ABHD2: variants seen among roughly 807,000 people sequenced by gnomAD.
The protein encoded by ABHD2 is abhydrolase domain containing 2, acylglycerol lipase.
ABHD2 carries 20 observed loss-of-function variants against 48.1 expected under a neutral mutation model. That is an observed-to-expected ratio of 0.42 (90% CI 0.29 to 0.60). The LOEUF (loss-of-function observed/expected upper bound fraction) is 0.60, where lower values mean the gene tolerates loss of function less well. ABHD2 is among the 20% of genes least tolerant of loss of function. ABHD2 has a pLI of 0.24. For synonymous variants in ABHD2, 209 were observed against 214.2 expected (o/e 0.98, Z 0.21); for missense variants, 405 against 550.9 (o/e 0.74, Z 2.65).
chr15:89,136,262 T>TA (rs1337973489), intron 3 of ABHD2: 1 of 392,678 alleles, frequency 2.5e-6, no homozygotes, highest in Non-Finnish European at 5.0e-6. Context: ...TTAGGAAAGA[T>TA]ACAGGTTTTC....
At chr15:89,080,350 AACAATGAAGATTTTG>A in the ABHD2 span, among the ~76,000 whole-genome samples, 1 of 152,206 alleles carries the variant, frequency 6.6e-6, no homozygotes, top group African/African-American at 2.4e-5. Flanking sequence ...TGTTCTCAAA[AACAATGAAGATTTTG>A]TTGGTAAGCA....
At position 89,137,753 on chromosome 15, in the gene ABHD2, C is replaced by T. The variant is rs1302529084; in HGVS notation, c.195-13924C>T. 6.6e-6 allele frequency among the ~76,000 whole-genome samples: 1 copy of T among 152,216 alleles called. No homozygotes were observed. The highest frequency in any genetic ancestry group is 1.5e-5 in the Non-Finnish European group (1 of 68,046). ...AAAATGCTGTGTTCAAAGTGGATTT[C>T]TGATGAGCCTATTAATGGGTGTTTG... On this transcript the variant is annotated intron_variant, in intron 3 of 10. Coordinates refer to ENST00000352732, the MANE Select transcript of ABHD2 (RefSeq NM_152924.5). The surrounding 1 kb of genome is among the most constrained non-coding windows in gnomAD (Gnocchi z 4.8).
chr15:89,171,872 C>T (rs1473844058), intron 5 of ABHD2, among the ~76,000 whole-genome samples: 1 of 152,158 alleles, frequency 6.6e-6, no homozygotes, highest in Non-Finnish European at 1.5e-5. Flanking sequence ...GATCCCACCC[C>T]CAGACGTTCT....
chr15:89,048,831 C>T, the ABHD2 span, among the ~76,000 whole-genome samples: 1 of 151,468 alleles, frequency 6.6e-6, no homozygotes, highest in South Asian at 2.1e-4. Context: ...AACTTCCTTG[C>T]CATTGGTTTG....
At chr15:89,144,334 T>C (rs1045837048) in intron 3 of ABHD2, among the ~76,000 whole-genome samples, 6 of 152,184 alleles carry the variant, frequency 3.9e-5, no homozygotes, top group African/African-American at 1.4e-4. Context: ...GGTTTCACCA[T>C]GTTGACCAGG....
At chr15:89,046,389 T>C in the ABHD2 span, among the ~76,000 whole-genome samples, 1 of 152,092 alleles carries the variant, frequency 6.6e-6, no homozygotes, top group Non-Finnish European at 1.5e-5. Flanking sequence ...CCGGCTTTGG[T>C]ATCAGGATGA....
At chr15:89,053,044 T>C in the ABHD2 span, among the ~76,000 whole-genome samples, 3 of 151,246 alleles carry the variant, frequency 2.0e-5, no homozygotes, top group Non-Finnish European at 4.4e-5. Flanking sequence ...CTTGGCTCAC[T>C]GCAACCTCTG....
At chr15:89,158,416 T>C (rs1029782821) in intron 5 of ABHD2, among the ~76,000 whole-genome samples, 37 of 152,124 alleles carry the variant, frequency 2.4e-4, no homozygotes, top group African/African-American at 8.7e-4. Context: ...AGAGACCAGA[T>C]TGGAAGGCGT....
At position 89,174,082 on chromosome 15, in the gene ABHD2, C is replaced by T. The variant is rs1317830777; in HGVS notation, c.539-1730C>T. 1.3e-5 allele frequency among the ~76,000 whole-genome samples: 2 copies of T among 152,124 alleles called. No homozygotes were observed. The highest frequency in any genetic ancestry group is 6.5e-5 in the Admixed American group (1 of 15,274). ...GCGTCTTCATCTGGGCAATGCTTAC[C>T]TGGGTATAAATGTGTAAAATTTCAT... On this transcript the variant is annotated intron_variant, in intron 5 of 10. Transcript: ENST00000352732. The surrounding 1 kb of genome is among the most constrained non-coding windows in gnomAD (Gnocchi z 4.1).
rs1160795032 is a variant in ABHD2, at chr15:89,137,829, G to C, written c.195-13848G>C. Among the ~76,000 whole-genome samples, 1 of 152,210 alleles carries C rather than the reference G, an allele frequency of 6.6e-6. No homozygotes were observed. Among genetic ancestry groups the C allele is most frequent in the African/African-American group, 2.4e-5 (1 of 41,448 alleles). ...TTGAGATGAAAGGCCCAAGGTGTTT[G>C]TTCCTGAAGCTAATGAGGAAGCCCT... On this transcript the variant is annotated intron_variant, in intron 3 of 10. Coordinates refer to ENST00000352732, the MANE Select transcript of ABHD2 (RefSeq NM_152924.5). The surrounding 1 kb of genome is among the most constrained non-coding windows in gnomAD (Gnocchi z 4.8).
the ABHD2 span, among the ~76,000 whole-genome samples, chr15:89,047,299 G>A: frequency 1.3e-5 from 2 of 150,140 alleles, no homozygotes; most frequent in Non-Finnish European, 3.0e-5. Context: ...CATTTGCTGA[G>A]GAGAGCTTTA....
At chr15:89,142,586 C>T (rs2050422019) in intron 3 of ABHD2, among the ~76,000 whole-genome samples, 2 of 152,146 alleles carry the variant, frequency 1.3e-5, no homozygotes, top group Admixed American at 1.3e-4. Context: ...CCTTTTTAAT[C>T]TGTGAAATCA....
chr15:89,151,321 A>G lies in ABHD2; in HGVS notation c.195-356A>G, dbSNP rs1351900451. Among the ~76,000 whole-genome samples the G allele has an allele frequency of 3.3e-5, 5 of 152,252 alleles. No homozygotes were observed. In the East Asian group the frequency reaches 9.6e-4, roughly 29 times the overall value. On this transcript the variant is annotated intron_variant, in intron 3 of 10. Coordinates refer to ENST00000352732, the MANE Select transcript of ABHD2 (RefSeq NM_152924.5). This position sits in a 1 kb window ranked among gnomAD's most constrained non-coding sequence, Gnocchi z 4.7. Reference sequence around the variant, plus strand: ...TATTTCATATACATCAGCTCCTTTAATAATGAGCTAACCTGTCAAGTTAGA... The same window carrying G: ...TATTTCATATACATCAGCTCCTTTAGTAATGAGCTAACCTGTCAAGTTAGA...
the ABHD2 span, among the ~76,000 whole-genome samples, chr15:89,048,794 T>G: frequency 6.6e-6 from 1 of 151,988 alleles, no homozygotes; most frequent in Admixed American, 6.6e-5. Flanking sequence ...TAGTTATACA[T>G]TCTTCTAAAT....
At position 89,167,150 on chromosome 15, in the gene ABHD2, C is replaced by T. The variant is rs1254952897; in HGVS notation, c.539-8662C>T. Among the ~76,000 whole-genome samples, 2 of 152,072 alleles carry T rather than the reference C, an allele frequency of 1.3e-5. No homozygotes were observed. Among genetic ancestry groups the T allele is most frequent in the Non-Finnish European group, 2.9e-5 (2 of 68,016 alleles). ...GCTTCAGGCAGTGATTTTTAAGGAACTTCTATTTTGTTTTTACTGCTTAAT... is the reference window on the plus strand; with the variant it reads ...GCTTCAGGCAGTGATTTTTAAGGAATTTCTATTTTGTTTTTACTGCTTAAT... On this transcript the variant is annotated intron_variant, in intron 5 of 10. Coordinates refer to ENST00000352732, the MANE Select transcript of ABHD2 (RefSeq NM_152924.5). The surrounding 1 kb of genome is among the most constrained non-coding windows in gnomAD (Gnocchi z 5.5).
At position 89,184,392 on chromosome 15, in the gene ABHD2, C is replaced by A. The variant is rs948235469; in HGVS notation, c.723-1032C>A. On this transcript the variant is annotated intron_variant, in intron 6 of 10. Coordinates refer to ENST00000352732, the MANE Select transcript of ABHD2 (RefSeq NM_152924.5). The surrounding 1 kb of genome is among the most constrained non-coding windows in gnomAD (Gnocchi z 5.1). Reference sequence around the variant, plus strand: ...CTCACTTACCATCTGGAAGATGGAACCTAGTAGAAGTAGTGACGTCCAGAT... The same window carrying A: ...CTCACTTACCATCTGGAAGATGGAAACTAGTAGAAGTAGTGACGTCCAGAT... Among the ~76,000 whole-genome samples the A allele has an allele frequency of 1.3e-5, 2 of 152,186 alleles. No individual in the cohort carries two copies. The highest frequency in any genetic ancestry group is 4.8e-5 in the African/African-American group (2 of 41,442).
At position 89,188,474 on chromosome 15, in the gene ABHD2, A is replaced by G. The variant is rs189133902; in HGVS notation, c.926+171A>G. Among the ~76,000 whole-genome samples, 207 of 152,338 alleles carry G rather than the reference A, an allele frequency of 1.4e-3. No individual in the cohort carries two copies. The highest frequency in any genetic ancestry group is 3.6e-3 in the African/African-American group (151 of 41,568). On this transcript the variant is annotated intron_variant, in intron 8 of 10. Transcript: ENST00000352732. The surrounding 1 kb of genome is among the most constrained non-coding windows in gnomAD (Gnocchi z 4.1). ...TAAAAACAGAAGATTTCACAGGAAC[A>G]TTTAAATTTCTAGTTTCTCCTGGAA...
chr15:89,088,821 G>C lies in ABHD2; in HGVS notation c.-107+258G>C, dbSNP rs1169188743. 6.6e-6 allele frequency among the ~76,000 whole-genome samples: 1 copy of C among 152,240 alleles called. No individual in the cohort carries two copies. Among genetic ancestry groups the C allele is most frequent in the African/African-American group, 2.4e-5 (1 of 41,482 alleles). On this transcript the variant is annotated intron_variant, in intron 1 of 10. Coordinates refer to ENST00000352732, the MANE Select transcript of ABHD2 (RefSeq NM_152924.5). This position sits in a 1 kb window ranked among gnomAD's most constrained non-coding sequence, Gnocchi z 6.8. Reference sequence around the variant, plus strand: ...CCTTCTGCCCGAGGAACCGAGGTTGGGGACAACCCCGACCGCGGCCTTTCC... The same window carrying C: ...CCTTCTGCCCGAGGAACCGAGGTTGCGGACAACCCCGACCGCGGCCTTTCC...
intron 4 of ABHD2, among the ~76,000 whole-genome samples, chr15:89,154,037 T>C (rs1419629217): frequency 6.6e-6 from 1 of 152,238 alleles, no homozygotes; most frequent in Non-Finnish European, 1.5e-5. Context: ...CAGAAAATTT[T>C]AGGCAGGATT....
Sources: allele counts gnomAD v4.1 joint callset (sites outside exome capture counted in the v4.1 genomes callset), GRCh38; gene constraint gnomAD v4.1.1; non-coding constraint Gnocchi (gnomAD v3.1); transcripts MANE v1.5; gene names NCBI Gene and HGNC (gene_info 2026-07-23, HGNC 2026-07-21).